The following PRKG1 variants were observed in gnomAD, a reference collection of about 807,000 sequenced individuals.
PRKG1 encodes the protein cGMP-dependent protein kinase 1.
In PRKG1, 35 loss-of-function variants were observed where a neutral mutation model predicts 88.1. The observed-to-expected ratio is 0.40, with a 90% CI of 0.30 to 0.53. The LOEUF (loss-of-function observed/expected upper bound fraction) is 0.53. Ranked by LOEUF, PRKG1 falls within the 20% of genes least tolerant of loss-of-function variation. PRKG1 has a pLI of 0.59. For missense variants in PRKG1, 540 were observed against 839.8 expected (o/e 0.64, Z 4.41); for synonymous variants, 303 against 292.5 (o/e 1.04, Z -0.37).
intron 3 of PRKG1, among the ~76,000 whole-genome samples, chr10:51,776,073 T>C (rs991091481): frequency 3.3e-5 from 5 of 152,096 alleles, no homozygotes; most frequent in African/African-American, 1.2e-4. Flanking sequence ...AAAAAGAAAA[T>C]ATTAAGAGTA....
At chr10:51,522,971 C>A (rs2132079362) in intron 3 of PRKG1, among the ~76,000 whole-genome samples, 1 of 152,292 alleles carries the variant, frequency 6.6e-6, no homozygotes, top group Non-Finnish European at 1.5e-5. Flanking sequence ...TGATCCTATC[C>A]TTTATTGATA....
intron 2 of PRKG1, among the ~76,000 whole-genome samples, chr10:51,170,475 G>A (rs9414845): frequency 4.7e-5 from 7 of 149,754 alleles, no homozygotes; most frequent in Non-Finnish European, 4.5e-5. Flanking sequence ...CACACAACCA[G>A]GAGGTAATAA....
intron 2 of PRKG1, among the ~76,000 whole-genome samples, chr10:51,191,347 T>C (rs1837625628): frequency 6.6e-6 from 1 of 151,830 alleles, no homozygotes; most frequent in African/African-American, 2.4e-5. Context: ...GGGTAAATTA[T>C]ATAACTTCTA....
intron 3 of PRKG1, among the ~76,000 whole-genome samples, chr10:51,725,435 C>CTT (rs35443695): frequency 4.8e-4 from 70 of 146,460 alleles, no homozygotes; most frequent in Non-Finnish European, 6.6e-4. Flanking sequence ...ACTTAGGCAA[C>CTT]TTTTTTTTTT....
intron 3 of PRKG1, among the ~76,000 whole-genome samples, chr10:51,667,793 A>T (rs937221268): frequency 6.6e-6 from 1 of 152,174 alleles, no homozygotes; most frequent in Non-Finnish European, 1.5e-5. Flanking sequence ...AGGCTCAGGC[A>T]TCATTTGTCT....
At chr10:51,241,996 A>T (rs1301387622) in intron 2 of PRKG1, among the ~76,000 whole-genome samples, 1 of 152,068 alleles carries the variant, frequency 6.6e-6, no homozygotes, top group Non-Finnish European at 1.5e-5. Flanking sequence ...AAAAAAGATG[A>T]ATAATGTAAC....
At chr10:51,600,710 CA>C (rs544566143) in intron 3 of PRKG1, among the ~76,000 whole-genome samples, 15 of 152,070 alleles carry the variant, frequency 9.9e-5, no homozygotes, top group Non-Finnish European at 2.1e-4. Flanking sequence ...ACACTTACAG[CA>C]CACCTCACTT....
chr10:51,722,505 A>C (rs994117446), intron 3 of PRKG1, among the ~76,000 whole-genome samples: 1 of 151,928 alleles, frequency 6.6e-6, no homozygotes, highest in Admixed American at 6.6e-5. Flanking sequence ...CTACTGTTTT[A>C]TAAGTGTCTT....
At chr10:52,177,677 T>A (rs1262403342) in intron 9 of PRKG1, among the ~76,000 whole-genome samples, 2 of 152,104 alleles carry the variant, frequency 1.3e-5, no homozygotes, top group Non-Finnish European at 2.9e-5. Flanking sequence ...CATTACTTGT[T>A]ATTGGTCTGT....
intron 3 of PRKG1, among the ~76,000 whole-genome samples, chr10:51,534,288 C>T (rs1842086609): frequency 6.6e-6 from 1 of 152,170 alleles, no homozygotes; most frequent in African/African-American, 2.4e-5. Flanking sequence ...AACTCAATTT[C>T]ATGACTAATT....
At chr10:51,530,207 A>G (rs1027285732) in intron 3 of PRKG1, among the ~76,000 whole-genome samples, 1 of 152,196 alleles carries the variant, frequency 6.6e-6, no homozygotes, top group African/African-American at 2.4e-5. Flanking sequence ...CTTTCAAATC[A>G]TGTATGTCTC....
At chr10:51,404,866 G>A (rs1412966706) in intron 2 of PRKG1, among the ~76,000 whole-genome samples, 1 of 152,112 alleles carries the variant, frequency 6.6e-6, no homozygotes. Flanking sequence ...AGTGCTTTAG[G>A]AAATAAATGG....
At chr10:52,122,552 A>T (rs1260534111) in intron 7 of PRKG1, among the ~76,000 whole-genome samples, 2 of 152,212 alleles carry the variant, frequency 1.3e-5, no homozygotes, top group Non-Finnish European at 2.9e-5. Flanking sequence ...TGGCTCAGAG[A>T]AGAAGAATAG....
chr10:51,797,986 T>C (rs560216353), intron 3 of PRKG1, among the ~76,000 whole-genome samples: 7 of 152,190 alleles, frequency 4.6e-5, no homozygotes, highest in African/African-American at 1.7e-4. Flanking sequence ...TTTCATTCTT[T>C]TCACAAGCCT....
At chr10:52,020,712 G>A (rs1845161730) in intron 5 of PRKG1, among the ~76,000 whole-genome samples, 1 of 152,066 alleles carries the variant, frequency 6.6e-6, no homozygotes, top group Non-Finnish European at 1.5e-5. Flanking sequence ...GTGAGCACAT[G>A]CAATGTGTTT....
chr10:51,745,905 C>G (rs556691447), intron 3 of PRKG1, among the ~76,000 whole-genome samples: 1 of 152,198 alleles, frequency 6.6e-6, no homozygotes, highest in African/African-American at 2.4e-5. Flanking sequence ...AGTGCAATGG[C>G]GCAGTCATAG....
At chr10:52,197,814 T>C (rs1195796837) in intron 9 of PRKG1, among the ~76,000 whole-genome samples, 1 of 152,222 alleles carries the variant, frequency 6.6e-6, no homozygotes, top group Non-Finnish European at 1.5e-5. Context: ...GGCTTTTGAA[T>C]ATTACTATAT....
intron 4 of PRKG1, among the ~76,000 whole-genome samples, chr10:51,831,064 G>T (rs1425629538): frequency 4.6e-5 from 7 of 151,894 alleles, no homozygotes; most frequent in Admixed American, 4.6e-4. Context: ...TTTCCCAGTA[G>T]TACATTCATT....
At chr10:51,015,418 C>T (rs938480350) in intron 1 of PRKG1, among the ~76,000 whole-genome samples, 1 of 152,196 alleles carries the variant, frequency 6.6e-6, no homozygotes, top group African/African-American at 2.4e-5. Context: ...AAAAGAGCAT[C>T]CCCATTAACT....
Sources: allele counts gnomAD v4.1 joint callset (sites outside exome capture counted in the v4.1 genomes callset), GRCh38; gene constraint gnomAD v4.1.1; transcripts MANE v1.5; gene names NCBI Gene and HGNC (gene_info 2026-07-23, HGNC 2026-07-21).